STK32A: variants seen among roughly 807,000 people sequenced by gnomAD.
The protein encoded by STK32A is serine/threonine kinase 32A.
A neutral mutation model predicts 53.2 loss-of-function variants in STK32A; 41 were observed. The ratio of observed to expected loss-of-function variants is 0.77; its 90% CI spans 0.60 to 1.00. The LOEUF is 1.00. Ranked by LOEUF, STK32A falls within the 50% of genes least tolerant of loss-of-function variation. The probability of loss-of-function intolerance (pLI) is 0.00; values close to 1 mark genes in which losing one functional copy is unlikely to be tolerated. For synonymous variants in STK32A, 166 were observed against 162.8 expected, an observed-to-expected ratio of 1.02 and a Z score of -0.15; for missense variants, 458 against 485.8, an observed-to-expected ratio of 0.94 and a Z score of 0.54.
intron 1 of STK32A, among the ~76,000 whole-genome samples, chr5:147,236,884 C>T (rs1753346431): frequency 1.3e-5 from 2 of 152,068 alleles, no homozygotes; most frequent in Admixed American, 6.6e-5. Flanking sequence ...TTGAGAAAAA[C>T]CTGAGGTGTG....
chr5:147,370,611 T>A (rs750751349), intron 8 of STK32A, 43 bp from the exon 9 acceptor site: 1 of 1,323,108 alleles, frequency 7.6e-7, no homozygotes, highest in East Asian at 2.3e-5. Context: ...TTTTTTCTTT[T>A]GTCCTATACA....
chr5:147,326,218 T>C (rs1163576440), intron 5 of STK32A, among the ~76,000 whole-genome samples: 1 of 152,208 alleles, frequency 6.6e-6, no homozygotes, highest in East Asian at 1.9e-4. Flanking sequence ...TTTTGCCACT[T>C]AAATCATAAA....
chr5:147,296,471 C>T (rs746460955), intron 4 of STK32A, among the ~76,000 whole-genome samples: 15 of 150,768 alleles, frequency 9.9e-5, no homozygotes, highest in East Asian at 5.9e-4. Flanking sequence ...TGGGAGAGGC[C>T]GCATGTGCAG....
intron 7 of STK32A, among the ~76,000 whole-genome samples, chr5:147,360,204 C>A (rs1488531074): frequency 6.6e-6 from 1 of 151,966 alleles, no homozygotes; most frequent in African/African-American, 2.4e-5. Context: ...AATCCCAGTA[C>A]TTTAGGAGGC....
At chr5:147,312,641 A>G (rs1386449943) in intron 4 of STK32A, among the ~76,000 whole-genome samples, 6 of 152,198 alleles carry the variant, frequency 3.9e-5, no homozygotes, top group Non-Finnish European at 7.3e-5. Flanking sequence ...TATGAGACAG[A>G]GAAGTAAGTA....
intron 4 of STK32A, among the ~76,000 whole-genome samples, chr5:147,281,443 T>A (rs1752059537): frequency 6.6e-6 from 1 of 152,080 alleles, no homozygotes; most frequent in African/African-American, 2.4e-5. Context: ...TTAGACACAC[T>A]TTAAAAATTG....
At chr5:147,288,602 C>T (rs1406667046) in intron 4 of STK32A, among the ~76,000 whole-genome samples, 1 of 152,128 alleles carries the variant, frequency 6.6e-6, no homozygotes, top group Non-Finnish European at 1.5e-5. Flanking sequence ...AGCAGGGCAT[C>T]TCACATGGTG....
At chr5:147,343,097 G>T (rs375077274) in intron 6 of STK32A, 54 bp downstream of exon 6, 3 of 1,587,622 alleles carry the variant, frequency 1.9e-6, no homozygotes, top group Non-Finnish European at 2.6e-6. Flanking sequence ...TAGAAAAGTT[G>T]ATTGTTCCCA....
chr5:147,309,358 T>C (rs576201735), intron 4 of STK32A, among the ~76,000 whole-genome samples: 2 of 152,324 alleles, frequency 1.3e-5, no homozygotes, highest in East Asian at 3.9e-4. Flanking sequence ...TAGGAAATTT[T>C]GAGATGCCGA....
chr5:147,333,255 A>G (rs1754959114), intron 5 of STK32A, among the ~76,000 whole-genome samples: 1 of 152,164 alleles, frequency 6.6e-6, no homozygotes, highest in African/African-American at 2.4e-5. Flanking sequence ...TTTTTGACTT[A>G]TAAATTTTCA....
At chr5:147,290,641 C>T (rs1482245039) in intron 4 of STK32A, among the ~76,000 whole-genome samples, 1 of 152,176 alleles carries the variant, frequency 6.6e-6, no homozygotes, top group African/African-American at 2.4e-5. Flanking sequence ...AAGGGGTCCA[C>T]ATGTGGTTTC....
chr5:147,332,506 G>C (rs1355263378), intron 5 of STK32A, among the ~76,000 whole-genome samples: 2 of 151,866 alleles, frequency 1.3e-5, no homozygotes, highest in Non-Finnish European at 2.9e-5. Context: ...TATTGTATGT[G>C]TTCTGCTTGA....
the STK32A span, chr5:147,395,824 A>G: frequency 4.0e-6 from 5 of 1,240,076 alleles, no homozygotes; most frequent in Admixed American, 2.4e-5. Context: ...GGTGGGAGCT[A>G]GGAATTAACA....
chr5:147,372,069 G>A (rs1487736317), intron 9 of STK32A, among the ~76,000 whole-genome samples: 1 of 152,000 alleles, frequency 6.6e-6, no homozygotes, highest in African/African-American at 2.4e-5. Flanking sequence ...TGTTACCATT[G>A]TATTCTCAGC....
At chr5:147,401,511 C>A in the STK32A span, 1 of 1,587,618 alleles carries the variant, frequency 6.3e-7, no homozygotes, top group South Asian at 1.1e-5. Context: ...TTTCACAAAA[C>A]GCCTGCTGCT....
intron 5 of STK32A, among the ~76,000 whole-genome samples, chr5:147,341,507 G>C (rs1755407657): frequency 6.6e-6 from 1 of 152,136 alleles, no homozygotes; most frequent in African/African-American, 2.4e-5. Context: ...TAGGCATTTT[G>C]CTTTGTTGCC....
At chr5:147,378,536 A>G (rs896421633) in intron 11 of STK32A, among the ~76,000 whole-genome samples, 2 of 152,118 alleles carry the variant, frequency 1.3e-5, no homozygotes, top group African/African-American at 4.8e-5. Flanking sequence ...TCAGTATCAT[A>G]TTAGCTATAG....
chr5:147,240,853 C>A (rs1407238822), intron 2 of STK32A, among the ~76,000 whole-genome samples: 6 of 152,202 alleles, frequency 3.9e-5, no homozygotes, highest in African/African-American at 1.4e-4. Context: ...CCCTCTCTTC[C>A]CATTTCTAGA....
At chr5:147,270,149 A>T (rs1581018811) in intron 2 of STK32A, among the ~76,000 whole-genome samples, 2 of 152,316 alleles carry the variant, frequency 1.3e-5, no homozygotes, top group South Asian at 4.1e-4. Context: ...AAAAATCACA[A>T]ACCCAGAAGG....
Sources: allele counts gnomAD v4.1 joint callset (sites outside exome capture counted in the v4.1 genomes callset), GRCh38; gene constraint gnomAD v4.1.1; transcripts MANE v1.5; gene names NCBI Gene and HGNC (gene_info 2026-07-23, HGNC 2026-07-21).